The following SMAD2 variants were observed in gnomAD, a reference collection of about 807,000 sequenced individuals.
SMAD2 encodes the protein MAD homolog 2.
A neutral mutation model predicts 64.4 loss-of-function variants in SMAD2; 8 were observed. The observed-to-expected ratio is 0.12, with a 90% CI of 0.07 to 0.22. SMAD2 has a LOEUF of 0.22. Among genes scored for constraint, SMAD2 ranks in the 10% least tolerant of loss-of-function variants. The pLI, the probability that SMAD2 is intolerant of heterozygous loss-of-function variation, is 1.00. For missense variants in SMAD2, 289 were observed against 561.2 expected (o/e 0.51, Z 4.90); for synonymous variants, 203 against 195.8 (o/e 1.04, Z -0.31).
At chr18:47,895,435 TATCAA>T (rs1486577826) in intron 2 of SMAD2, 2 of 151,990 alleles carry the variant, frequency 1.3e-5, no homozygotes, top group Non-Finnish European at 2.9e-5. Context: ...CTCATTACCA[TATCAA>T]ATTATAATTA....
Position 47,815,376 on chromosome 18 carries a change from A to G in SMAD2, c.*26451T>C, listed in dbSNP as rs189677391. The G allele has an allele frequency of 8.5e-5, 13 of 152,292 alleles. No individual in the cohort carries two copies. The East Asian group carries it at 2.5e-3, about 29-fold the overall frequency. 9.4% of individuals were successfully genotyped at this position (152,292 alleles called of 1,614,324 possible). On this transcript the variant is annotated 3_prime_UTR_variant, in exon 11 of 11. Transcript: ENST00000262160. ...TGTGTGGGAGCTGGGAAGAGGGAAG[A>G]ACATTGATAGAAAATCTGAAAGCCC...
chr18:47,851,258 C>G lies in SMAD2; in HGVS notation c.784+16G>C. The G allele has an allele frequency of 6.4e-7, 1 of 1,566,554 alleles. No individual in the cohort carries two copies. Among genetic ancestry groups the G allele is most frequent in the Non-Finnish European group, 8.8e-7 (1 of 1,137,720 alleles). ...TACAGTATAAAAATGATGAGGGGAA[C>G]ATATGTGCAACTTACCCAAGCTATG... On this transcript the variant is annotated intron_variant, in intron 7 of 10. Coordinates refer to ENST00000262160, the MANE Select transcript of SMAD2 (RefSeq NM_005901.6).
chr18:47,887,023 C>A, intron 2 of SMAD2: 1 of 152,328 alleles, frequency 6.6e-6, no homozygotes, highest in East Asian at 1.9e-4. Context: ...TTCCTGTCCC[C>A]AGCAACCACT....
intron 2 of SMAD2, among the ~76,000 whole-genome samples, chr18:47,876,163 T>A (rs1387478782): frequency 6.6e-6 from 1 of 152,070 alleles, no homozygotes; most frequent in African/African-American, 2.4e-5. Flanking sequence ...ATTATAACAA[T>A]GATAGCAATA....
intron 1 of SMAD2, among the ~76,000 whole-genome samples, chr18:47,907,547 C>CAA (rs748921107): frequency 7.2e-5 from 11 of 152,196 alleles, no homozygotes; most frequent in Non-Finnish European, 1.5e-4. Flanking sequence ...TCTACGGTGA[C>CAA]AAAAGTGTTC....
At chr18:47,930,869 G>A (rs1360426852), upstream of SMAD2, 2 of 149,882 alleles carry the variant, frequency 1.3e-5, no homozygotes, top group Non-Finnish European at 1.5e-5. Context: ...GGGTAGACCC[G>A]CCTGCCACCC....
intron 6 of SMAD2, among the ~76,000 whole-genome samples, chr18:47,852,849 G>C (rs1170192760): frequency 1.3e-5 from 2 of 152,036 alleles, no homozygotes; most frequent in African/African-American, 4.8e-5. Context: ...AAATCATGGC[G>C]CAACTAGTCT....
chr18:47,877,045 G>C (rs1176169630), intron 2 of SMAD2, among the ~76,000 whole-genome samples: 1 of 151,986 alleles, frequency 6.6e-6, no homozygotes, highest in African/African-American at 2.4e-5. Flanking sequence ...CAGTTTTACT[G>C]TTCCTACCAT....
rs1009484139 is a variant in SMAD2, at chr18:47,834,061, C to T, written c.*7766G>A. On this transcript the variant is annotated 3_prime_UTR_variant, in exon 11 of 11. Coordinates refer to ENST00000262160, the MANE Select transcript of SMAD2 (RefSeq NM_005901.6). The stretch of plus-strand genomic sequence containing the variant: ...CCATACTGGTACCTTCAGCTATTAC[C>T]TGTGTTATAAATCTCATGTTCCATT... The T allele has an allele frequency of 1.8e-5, 4 of 217,678 alleles. No individual in the cohort carries two copies. The highest frequency in any genetic ancestry group is 6.8e-5 in the African/African-American group (3 of 44,242). The allele number at this position is 217,678 out of a possible 1,614,324, so 13.5% of individuals were successfully genotyped here. A position where few individuals can be genotyped will look rare whatever the true frequency, so the allele number is the denominator to read the frequency against.
chr18:47,892,621 A>G (rs2033250487), intron 2 of SMAD2, among the ~76,000 whole-genome samples: 1 of 150,384 alleles, frequency 6.6e-6, no homozygotes, highest in South Asian at 2.2e-4. Context: ...TTCTTGTTTA[A>G]TTGTGGTATA....
chr18:47,814,204 A>G lies in SMAD2; in HGVS notation c.*27623T>C, dbSNP rs891182862. On this transcript the variant is annotated 3_prime_UTR_variant, in exon 11 of 11. Coordinates refer to ENST00000262160, the MANE Select transcript of SMAD2 (RefSeq NM_005901.6). ...ATGCCCCCCTGCTGTCTTTCCAATA[A>G]AGGTAAGCCCTGAAGCCTGACAGTC... The G allele has an allele frequency of 4.6e-5, 7 of 152,154 alleles. No individual in the cohort carries two copies. Among genetic ancestry groups the G allele is most frequent in the African/African-American group, 1.4e-4 (6 of 41,416 alleles). 9.4% of individuals were successfully genotyped at this position (152,154 alleles called of 1,614,324 possible). A position where few individuals can be genotyped will look rare whatever the true frequency, so the allele number is the denominator to read the frequency against.
chr18:47,849,529 A>T (rs1192779420), intron 7 of SMAD2, among the ~76,000 whole-genome samples: 1 of 151,722 alleles, frequency 6.6e-6, no homozygotes, highest in Non-Finnish European at 1.5e-5. Context: ...TGGCATTTAC[A>T]GGGGATTGGT....
In SMAD2 at chr18:47,842,216, G is replaced by A. The variant is rs1792689; in HGVS notation, c.1281-266C>T. Reference sequence around the variant, plus strand: ...CTTATTATTCACCATCATCCAAAATGGAACACCTGAGAGAGAATGTAGATA... The same window carrying A: ...CTTATTATTCACCATCATCCAAAATAGAACACCTGAGAGAGAATGTAGATA... On this transcript the variant is annotated intron_variant, in intron 10 of 10. Transcript: ENST00000262160. Among the ~76,000 whole-genome samples, 21,550 of 152,012 alleles carry A rather than the reference G, an allele frequency of 0.14. 1,655 individuals carry two copies. The highest frequency in any genetic ancestry group is 0.21 in the East Asian group (1,065 of 5,162).
intron 1 of SMAD2, among the ~76,000 whole-genome samples, chr18:47,921,274 T>C (rs898535956): frequency 3.9e-5 from 6 of 152,226 alleles, no homozygotes; most frequent in Non-Finnish European, 5.9e-5. Context: ...AAGTGACATA[T>C]GTGACCACTT....
At chr18:47,930,751 T>C (rs2034984740), upstream of SMAD2, 1 of 145,640 alleles carries the variant, frequency 6.9e-6, no homozygotes, top group African/African-American at 2.5e-5. Flanking sequence ...CCACCTCCGC[T>C]TCCGCCCTCC....
chr18:47,887,219 T>C (rs897685275), intron 2 of SMAD2, among the ~76,000 whole-genome samples: 4 of 152,190 alleles, frequency 2.6e-5, no homozygotes, highest in Admixed American at 6.5e-5. Context: ...ATCCAGATAT[T>C]TGTATTAACA....
chr18:47,889,294 T>C (rs1300479815), intron 2 of SMAD2, among the ~76,000 whole-genome samples: 2 of 152,152 alleles, frequency 1.3e-5, no homozygotes, highest in Non-Finnish European at 2.9e-5. Flanking sequence ...CATTTACTTA[T>C]ATTGCCAGTG....
rs564873747 is a variant in SMAD2 at position 47,822,704 on chromosome 18, G to T, written c.*19123C>A. ...TTCATTTGTTTTTGTTTTTGAGACG[G>T]AGTCTCGCTCTGTTGCCCCAGCTGG... On this transcript the variant is annotated 3_prime_UTR_variant, in exon 11 of 11. Transcript: ENST00000262160. 6.6e-6 allele frequency: 1 copy of T among 152,208 alleles called. No homozygotes were observed. The highest frequency in any genetic ancestry group is 1.5e-5 in the Non-Finnish European group (1 of 68,052). The allele number at this position is 152,208 out of a possible 1,614,324, so 9.4% of individuals were successfully genotyped here. A position where few individuals can be genotyped will look rare whatever the true frequency, so the allele number is the denominator to read the frequency against.
In SMAD2 at chr18:47,818,491, G is replaced by C. The variant is rs1912448971; in HGVS notation, c.*23336C>G. On this transcript the variant is annotated 3_prime_UTR_variant, in exon 11 of 11. Transcript: ENST00000262160. ...AATAATATAAGGTATCTCTGGTATA[G>C]CATAAAAATTGCTTGCCTGCTATGC... 1 of 152,154 alleles carries C rather than the reference G, an allele frequency of 6.6e-6. No homozygotes were observed. The highest frequency in any genetic ancestry group is 1.5e-5 in the Non-Finnish European group (1 of 68,026). The allele number at this position is 152,154 out of a possible 1,614,324, so 9.4% of individuals were successfully genotyped here.
Sources: allele counts gnomAD v4.1 joint callset (sites outside exome capture counted in the v4.1 genomes callset), GRCh38; gene constraint gnomAD v4.1.1; transcripts MANE v1.5; gene names NCBI Gene and HGNC (gene_info 2026-07-23, HGNC 2026-07-21).